The following PTPRB variants were observed in gnomAD, a reference collection of about 807,000 sequenced individuals.
PTPRB encodes the protein protein tyrosine phosphatase receptor type B, also known as receptor-type tyrosine-protein phosphatase beta.
Under a neutral mutation model 238.1 loss-of-function variants are expected in PTPRB, and 97 were observed. The ratio of observed to expected loss-of-function variants is 0.41; its 90% confidence interval spans 0.35 to 0.48. PTPRB has a LOEUF of 0.48. Among genes scored for constraint, PTPRB ranks in the 20% least tolerant of loss-of-function variants. The pLI is 0.30. For missense variants in PTPRB, 2,292 were observed against 2,681.9 expected (o/e 0.85, Z 3.21); for synonymous variants, 970 against 995.4 (o/e 0.97, Z 0.48).
At position 70,634,788 on chromosome 12, in the gene PTPRB, T is replaced by A. The variant is rs541693877; in HGVS notation, c.451+883A>T. Reference sequence around the variant, plus strand: ...AATTTACTTAACCCTGAAAAATTTGTCTTCTTAGTGAGGCGCTTCGTTTCT... The same window carrying A: ...AATTTACTTAACCCTGAAAAATTTGACTTCTTAGTGAGGCGCTTCGTTTCT... On this transcript the variant is annotated intron_variant, in intron 2 of 33. Coordinates refer to ENST00000334414, the MANE Select transcript of PTPRB (RefSeq NM_001109754.4). Among the ~76,000 whole-genome samples the A allele has an allele frequency of 7.2e-5, 11 of 152,348 alleles. No individual in the cohort carries two copies. The South Asian group carries it at 2.3e-3, about 32-fold the overall frequency.
In PTPRB at chr12:70,594,622, A is replaced by G; in HGVS notation, c.1361T>C (p.Leu454Pro). ...SGNVERYRLM[L>P]MDKGILVHGG... Reference sequence around the variant, plus strand: ...ATGAACTAGGATCCCTTTATCCATTAGCATCAGCCGGTATCGTTCCACATT... The same window carrying G: ...ATGAACTAGGATCCCTTTATCCATTGGCATCAGCCGGTATCGTTCCACATT... Residue 454 changes from leucine (L) to proline (P), a missense_variant, in exon 6 of 34, where the codon CTA becomes CCA. Leu to Pro is a moderately conservative substitution (Grantham distance 98). This residue lies in a region of PTPRB where 1,205 missense variants were observed against 1,287.8 expected (regional missense o/e 0.94). Coordinates refer to ENST00000334414, the MANE Select transcript of PTPRB (RefSeq NM_001109754.4). 6.2e-7 allele frequency: 1 copy of G among 1,614,026 alleles called. No individual in the cohort carries two copies. The highest frequency in any genetic ancestry group is 8.5e-7 in the Non-Finnish European group (1 of 1,179,888).
chr12:70,570,995 A>G lies in PTPRB; in HGVS notation c.3370+31T>C, dbSNP rs752685975. Reference sequence around the variant, plus strand: ...GAAAGTTAAATGCACCACTGCATCTATTCAGGTTCAAGAACAGTATTTCAC... The same window carrying G: ...GAAAGTTAAATGCACCACTGCATCTGTTCAGGTTCAAGAACAGTATTTCAC... On this transcript the variant is annotated intron_variant, in intron 13 of 33. Coordinates refer to ENST00000334414, the MANE Select transcript of PTPRB (RefSeq NM_001109754.4). 1.5e-4 allele frequency: 242 copies of G among 1,608,268 alleles called. 1 individual carries two copies. The Admixed American group carries it at 4.0e-3, about 27-fold the overall frequency.
chr12:70,581,199 G>T lies in PTPRB; in HGVS notation c.2415C>A (p.Val805=). ...QAQGDVEFYQ[V]LLIHENVVIK... ...TGACCACATTTTCATGGATCAGTAA[G>T]ACTTGGTAAAATTCTACGTCTCCTT... Residue 805 remains valine (V), a synonymous_variant, in exon 10 of 34, where the codon GTC becomes GTA. Transcript: ENST00000334414. 6.2e-7 allele frequency: 1 copy of T among 1,613,974 alleles called. No individual in the cohort carries two copies. The highest frequency in any genetic ancestry group is 1.3e-5 in the African/African-American group (1 of 75,026).
At chr12:70,592,607 A>G in intron 6 of PTPRB, 62 bp from the exon 7 acceptor site, 1 of 1,521,190 alleles carries the variant, frequency 6.6e-7, no homozygotes, top group South Asian at 1.3e-5. Context: ...CCTATGGCCA[A>G]ATTTTGACCT....
intron 3 of PTPRB, 108 bp downstream of exon 3, chr12:70,622,282 C>T: frequency 6.8e-7 from 1 of 1,464,096 alleles, no homozygotes. Context: ...GGTGAGAGTG[C>T]CTAATCCCCC....
At chr12:70,633,586 G>T (rs1482004107) in intron 2 of PTPRB, among the ~76,000 whole-genome samples, 1 of 152,158 alleles carries the variant, frequency 6.6e-6, no homozygotes, top group African/African-American at 2.4e-5. Flanking sequence ...TCAAATATAA[G>T]GGTGTTTTTG....
In PTPRB at chr12:70,532,598, G is replaced by A. The variant is rs614012; in HGVS notation, c.6369-428C>T. Among the ~76,000 whole-genome samples, 31 of 151,644 alleles carry A rather than the reference G, an allele frequency of 2.0e-4. No homozygotes were observed. The South Asian group carries it at 5.6e-3, about 28-fold the overall frequency. ...TATATTGCTACATATAGATCTTCTC[G>A]TTTCTTCTTTCCTTCCTTCTTTCTT... On this transcript the variant is annotated intron_variant, in intron 31 of 33. Transcript: ENST00000334414.
chr12:70,635,105 T>C (rs553610151), intron 2 of PTPRB, among the ~76,000 whole-genome samples: 4 of 152,322 alleles, frequency 2.6e-5, no homozygotes, highest in Non-Finnish European at 5.9e-5. Context: ...TAGAAAAATC[T>C]GTGGCTGCCC....
intron 22 of PTPRB, among the ~76,000 whole-genome samples, chr12:70,543,878 A>C (rs1385509211): frequency 6.6e-6 from 1 of 152,200 alleles, no homozygotes; most frequent in Non-Finnish European, 1.5e-5. Flanking sequence ...TAAGATGGGG[A>C]TGATAATAGC....
At chr12:70,588,884 T>A (rs576886062) in intron 8 of PTPRB, among the ~76,000 whole-genome samples, 1 of 151,220 alleles carries the variant, frequency 6.6e-6, no homozygotes, top group Non-Finnish European at 1.5e-5. Context: ...ACCTAGGAGG[T>A]GGGGGTTGCA....
intron 15 of PTPRB, among the ~76,000 whole-genome samples, chr12:70,564,040 C>T (rs995659747): frequency 1.5e-4 from 23 of 152,168 alleles, no homozygotes; most frequent in Non-Finnish European, 5.9e-5. Flanking sequence ...CTGTTCCAGC[C>T]ATATGGGCCT....
At chr12:70,583,628 T>C (rs1162424016) in intron 9 of PTPRB, among the ~76,000 whole-genome samples, 2 of 152,154 alleles carry the variant, frequency 1.3e-5, no homozygotes, top group Non-Finnish European at 2.9e-5. Flanking sequence ...GCCTTCTTAA[T>C]ACTGGATGGA....
intron 9 of PTPRB, among the ~76,000 whole-genome samples, chr12:70,582,163 A>G (rs1421823266): frequency 6.6e-6 from 1 of 152,096 alleles, no homozygotes; most frequent in Non-Finnish European, 1.5e-5. Flanking sequence ...GTCAACATAC[A>G]TTCTTCTTTG....
chr12:70,630,042 C>T (rs1885377169), intron 2 of PTPRB, among the ~76,000 whole-genome samples: 1 of 152,166 alleles, frequency 6.6e-6, no homozygotes, highest in South Asian at 2.1e-4. Context: ...ACCATTCCTT[C>T]TGAAACTTTT....
rs1017929257 is a variant in PTPRB, at chr12:70,536,088, T to C, written c.6018A>G (p.Lys2006=). 1 of 1,613,830 alleles carries C rather than the reference T, an allele frequency of 6.2e-7. No individual in the cohort carries two copies. Among genetic ancestry groups the C allele is most frequent in the Non-Finnish European group, 8.5e-7 (1 of 1,179,836 alleles). The change falls in exon 29 of 34, where the codon AAA becomes AAG. Residue 2006 remains lysine (K), a synonymous_variant. Coordinates refer to ENST00000334414, the MANE Select transcript of PTPRB (RefSeq NM_001109754.4). ...TGTGAACGTTTTGTTCCCACACCATTTTCCAGAAGTCATCCTTGGTGCCAG... is the reference window on the plus strand; with the variant it reads ...TGTGAACGTTTTGTTCCCACACCATCTTCCAGAAGTCATCCTTGGTGCCAG... ...PLPGTKDDFW[K]MVWEQNVHNI...
intron 9 of PTPRB, among the ~76,000 whole-genome samples, chr12:70,586,239 G>C (rs975562091): frequency 3.3e-5 from 5 of 152,236 alleles, no homozygotes; most frequent in Non-Finnish European, 5.9e-5. Context: ...TTCCACAATG[G>C]TTGAAATAGT....
chr12:70,546,218 C>T (rs1875953098), intron 21 of PTPRB, among the ~76,000 whole-genome samples: 1 of 151,970 alleles, frequency 6.6e-6, no homozygotes, highest in Non-Finnish European at 1.5e-5. Flanking sequence ...GACAGTGAGG[C>T]ATTGATTTAC....
In PTPRB at chr12:70,592,316, T is replaced by A; in HGVS notation, c.1746A>T (p.Glu582Asp). 1 of 1,613,980 alleles carries A rather than the reference T, an allele frequency of 6.2e-7. No individual in the cohort carries two copies. Among genetic ancestry groups the A allele is most frequent in the Non-Finnish European group, 8.5e-7 (1 of 1,179,880 alleles). ...YQVTVSCVSG[E>D]LSAQKMAVGR... ...CCACTGCCATCTTCTGAGCAGACAG[T>A]TCACCAGAGACACAGCTGACAGTAA... The change falls in exon 7 of 34, where the codon GAA (glutamate) becomes GAT (aspartate). Residue 582 changes from glutamate (E) to aspartate (D), a missense_variant. Coordinates refer to ENST00000334414, the MANE Select transcript of PTPRB (RefSeq NM_001109754.4).
chr12:70,540,205 C>T (rs1230940672), intron 23 of PTPRB, 183 bp from the exon 24 acceptor site: 1 of 529,680 alleles, frequency 1.9e-6, no homozygotes, highest in Non-Finnish European at 3.3e-6. Context: ...ATCATTCCCA[C>T]CCAGAAACGG....
Sources: gnomAD v4.1 joint callset for allele counts (sites outside exome capture counted in the v4.1 genomes callset) on GRCh38, gnomAD v4.1.1 for gene constraint, gnomAD v4.1.1 regional missense constraint, MANE v1.5 for transcripts, NCBI Gene and HGNC (gene_info 2026-07-23, HGNC 2026-07-21) for gene names.